VPS13B: variants seen among roughly 807,000 people sequenced by gnomAD.
The protein encoded by VPS13B is intermembrane lipid transfer protein VPS13B.
VPS13B carries 285 observed loss-of-function variants against 426.4 expected under a neutral mutation model. The ratio of observed to expected loss-of-function variants is 0.67; its 90% CI spans 0.61 to 0.74. VPS13B has a LOEUF of 0.74. Ranked by LOEUF, VPS13B falls within the 30% of genes least tolerant of loss-of-function variation. VPS13B has a pLI of 0.00. For missense variants in VPS13B, 4,537 were observed against 4,782.6 expected (o/e 0.95, Z 1.51); for synonymous variants, 1,676 against 1,676.4 (o/e 1.00, Z 0.01).
At chr8:99,530,128 T>G (rs549943395) in intron 30 of VPS13B, among the ~76,000 whole-genome samples, 1 of 152,344 alleles carries the variant, frequency 6.6e-6, no homozygotes, top group Non-Finnish European at 1.5e-5. Flanking sequence ...TGTTTTTTCT[T>G]TGATGTTCAA....
intron 15 of VPS13B, among the ~76,000 whole-genome samples, chr8:99,161,812 A>G (rs1166462570): frequency 6.7e-6 from 1 of 149,194 alleles, no homozygotes; most frequent in Admixed American, 6.8e-5. Flanking sequence ...GGCTCATTGC[A>G]ATCTCCACTT....
At chr8:99,519,349 T>C (rs1308680283) in intron 29 of VPS13B, among the ~76,000 whole-genome samples, 2 of 152,318 alleles carry the variant, frequency 1.3e-5, no homozygotes, top group East Asian at 1.9e-4. Flanking sequence ...TTTACACTGT[T>C]GGCGGGACTG....
intron 31 of VPS13B, among the ~76,000 whole-genome samples, chr8:99,561,633 C>A (rs1824927960): frequency 6.6e-6 from 1 of 152,128 alleles, no homozygotes; most frequent in African/African-American, 2.4e-5. Context: ...TGATTTTGCC[C>A]AACCAAGGCC....
intron 11 of VPS13B, 140 bp downstream of exon 11, chr8:99,135,873 A>G (rs1256480917): frequency 1.8e-6 from 2 of 1,136,476 alleles, no homozygotes; most frequent in African/African-American, 1.5e-5. Context: ...GAATGCATTT[A>G]TACAGTATAC....
Position 99,778,963 on chromosome 8 carries a change from T to G in VPS13B, c.7711T>G (p.Ser2571Ala). Residue 2571 changes from serine to alanine, a missense_variant, in exon 42 of 62, where the codon TCT (serine) becomes GCT (alanine). Ser to Ala is a moderately conservative substitution (Grantham distance 99, BLOSUM62 1). This residue lies in a region of VPS13B where 4,311 missense variants were observed against 4,474.3 expected (regional missense o/e 0.96). Coordinates refer to ENST00000357162, the MANE Select transcript of VPS13B (RefSeq NM_152564.5). The stretch of plus-strand genomic sequence containing the variant: ...GCTTGACTGCACCGTGATAGTTGAT[T>G]CTGTATTTGTAAACCTTGGACAGCA... Reference protein sequence around the residue: ...KLLDCTVIVDSVFVNLGQHVV... With the variant: ...KLLDCTVIVDAVFVNLGQHVV... 1 of 1,613,992 alleles carries G rather than the reference T, an allele frequency of 6.2e-7. No individual in the cohort carries two copies. The highest frequency in any genetic ancestry group is 8.5e-7 in the Non-Finnish European group (1 of 1,179,880).
chr8:99,540,048 TATATATATATA>T (rs1563785052), intron 30 of VPS13B, among the ~76,000 whole-genome samples: 6 of 5,234 alleles, frequency 1.1e-3, no homozygotes, highest in Non-Finnish European at 2.3e-3. Flanking sequence ...TATATATATA[TATATATATATA>T]TATATTTTTT....
At chr8:99,510,542 G>A (rs1821730128) in intron 28 of VPS13B, among the ~76,000 whole-genome samples, 1 of 152,140 alleles carries the variant, frequency 6.6e-6, no homozygotes. Context: ...TCACTTTGTT[G>A]CCCAGGTTGG....
intron 3 of VPS13B, among the ~76,000 whole-genome samples, chr8:99,086,274 A>G (rs376314099): frequency 6.6e-6 from 1 of 152,050 alleles, no homozygotes; most frequent in Non-Finnish European, 1.5e-5. Flanking sequence ...TTGTGCATTC[A>G]TGATGTAGTT....
chr8:99,129,516 A>G (rs1020489368), intron 8 of VPS13B, among the ~76,000 whole-genome samples: 5 of 147,030 alleles, frequency 3.4e-5, no homozygotes, highest in Non-Finnish European at 6.0e-5. Context: ...GCAATGAGCC[A>G]TGTTTTCACC....
At chr8:99,816,273 TG>T (rs1219025722) in intron 44 of VPS13B, among the ~76,000 whole-genome samples, 1 of 152,146 alleles carries the variant, frequency 6.6e-6, no homozygotes. Context: ...CAGCTAATTT[TG>T]TATTTTTAGT....
In VPS13B at chr8:99,013,920, G is replaced by A. The variant is rs1841451620; in HGVS notation, c.132G>A (p.Leu44=). 1.2e-6 allele frequency: 2 copies of A among 1,613,952 alleles called. No homozygotes were observed. The highest frequency in any genetic ancestry group is 1.7e-6 in the Non-Finnish European group (2 of 1,180,026). Reference sequence around the variant, plus strand: ...TACTCAGCAAGCTCGAGTTAAAGTTGGATGTGCTGGAACAGGTAAGCTATT... The same window carrying A: ...TACTCAGCAAGCTCGAGTTAAAGTTAGATGTGCTGGAACAGGTAAGCTATT... ...DVVLSKLELK[L]DVLEQELKLP... The change falls in exon 2 of 62, where the codon TTG becomes TTA. Residue 44 remains leucine, a synonymous_variant. Coordinates refer to ENST00000357162, the MANE Select transcript of VPS13B (RefSeq NM_152564.5).
chr8:99,662,852 G>A (rs940652290), intron 35 of VPS13B, among the ~76,000 whole-genome samples: 3 of 152,080 alleles, frequency 2.0e-5, no homozygotes, highest in Non-Finnish European at 4.4e-5. Flanking sequence ...TTCCACACCA[G>A]CCTAGCCAAC....
chr8:99,664,010 T>A (rs557482091), intron 35 of VPS13B, among the ~76,000 whole-genome samples: 5 of 151,014 alleles, frequency 3.3e-5, no homozygotes, highest in Non-Finnish European at 5.9e-5. Flanking sequence ...AAATGTGATT[T>A]TTTTTTTTTT....
intron 23 of VPS13B, among the ~76,000 whole-genome samples, chr8:99,462,664 A>G (rs1397919511): frequency 3.3e-5 from 5 of 152,102 alleles, no homozygotes; most frequent in Admixed American, 2.6e-4. Flanking sequence ...AGGATTGAAT[A>G]TTTGTGTTCC....
At chr8:99,254,638 ATATTT>A (rs934804904) in intron 17 of VPS13B, among the ~76,000 whole-genome samples, 3 of 151,068 alleles carry the variant, frequency 2.0e-5, no homozygotes, top group Non-Finnish European at 4.4e-5. Context: ...TTATTTTATT[ATATTT>A]TATTTATTTA....
Position 99,275,213 on chromosome 8 carries a change from CA to C in VPS13B, c.2785del (p.Ile929SerfsTer24), listed in dbSNP as rs1563641615. ...TTAGCTCCAGATTTGATGGCCTTCA[CA>C]ATCCAAGTTCCACAATATATTGACT... ...SLLAPDLMAF[T>X]IQVPQYIDYC... On this transcript the variant is annotated frameshift_variant, in exon 19 of 62. Coordinates refer to ENST00000357162, the MANE Select transcript of VPS13B (RefSeq NM_152564.5). LOFTEE classifies it high-confidence loss of function. 1 of 1,609,400 alleles carries C rather than the reference CA, an allele frequency of 6.2e-7. No homozygotes were observed. The highest frequency in any genetic ancestry group is 1.3e-5 in the African/African-American group (1 of 74,414).
intron 21 of VPS13B, among the ~76,000 whole-genome samples, chr8:99,408,449 G>T (rs1425265243): frequency 6.6e-6 from 1 of 152,094 alleles, no homozygotes; most frequent in Non-Finnish European, 1.5e-5. Flanking sequence ...GAAGGGTCAT[G>T]GTTTTGTTTG....
At chr8:99,109,711 A>G (rs1847261653) in intron 5 of VPS13B, among the ~76,000 whole-genome samples, 1 of 152,160 alleles carries the variant, frequency 6.6e-6, no homozygotes, top group Non-Finnish European at 1.5e-5. Flanking sequence ...CAAAGTAGAT[A>G]AGAACATGCA....
At chr8:99,313,465 G>T (rs1042239047) in intron 19 of VPS13B, among the ~76,000 whole-genome samples, 1 of 152,122 alleles carries the variant, frequency 6.6e-6, no homozygotes, top group African/African-American at 2.4e-5. Flanking sequence ...TATCAGCAGC[G>T]GAGGCTGCAG....
Sources: gnomAD v4.1 joint callset for allele counts (sites outside exome capture counted in the v4.1 genomes callset) on GRCh38, gnomAD v4.1.1 for gene constraint, gnomAD v4.1.1 regional missense constraint, MANE v1.5 for transcripts, NCBI Gene and HGNC (gene_info 2026-07-23, HGNC 2026-07-21) for gene names.